The following ATP9A variants were observed in gnomAD, a reference collection of about 807,000 sequenced individuals.
ATP9A encodes probable phospholipid-transporting ATPase IIA.
In ATP9A, 52 loss-of-function variants were observed where a neutral mutation model predicts 144.1. That is an observed-to-expected ratio of 0.36 (90% CI 0.29 to 0.45). ATP9A has a LOEUF of 0.45. Ranked by LOEUF, ATP9A falls within the 20% of genes least tolerant of loss-of-function variation. The pLI is 1.00. For synonymous variants in ATP9A, 582 were observed against 557.4 expected (o/e 1.04, Z -0.62); for missense variants, 947 against 1,392.7 (o/e 0.68, Z 5.09).
At chr20:51,733,242 TCC>T (rs761031851) in intron 1 of ATP9A, among the ~76,000 whole-genome samples, 12 of 152,158 alleles carry the variant, frequency 7.9e-5, no homozygotes, top group Non-Finnish European at 1.5e-4. Flanking sequence ...TTCAGTCCCT[TCC>T]CGCTACTATA....
At chr20:51,760,772 CG>C (rs1390004498) in intron 1 of ATP9A, among the ~76,000 whole-genome samples, 1 of 148,144 alleles carries the variant, frequency 6.8e-6, no homozygotes, top group Non-Finnish European at 1.5e-5. Context: ...CGCCTGTAAT[CG>C]CAACACTTTG....
chr20:51,645,708 T>C (rs892094157), intron 14 of ATP9A, among the ~76,000 whole-genome samples: 1 of 152,170 alleles, frequency 6.6e-6, no homozygotes, highest in East Asian at 1.9e-4. Context: ...CCCAGAGTCC[T>C]ACTCAGGGAG....
intron 18 of ATP9A, among the ~76,000 whole-genome samples, chr20:51,624,610 T>C (rs1442246849): frequency 1.3e-5 from 2 of 152,128 alleles, no homozygotes; most frequent in Non-Finnish European, 2.9e-5. Context: ...TCAGCAGCCA[T>C]GCACGCTGGA....
chr20:51,651,163 T>TACACAC (rs1257050877), intron 14 of ATP9A, among the ~76,000 whole-genome samples: 11 of 136,358 alleles, frequency 8.1e-5, no homozygotes, highest in African/African-American at 3.3e-4. Flanking sequence ...CATATATATA[T>TACACAC]ATACACACAC....
intron 12 of ATP9A, 48 bp from the exon 13 acceptor site, chr20:51,670,157 GTTA>G (rs1276313642): frequency 1.3e-5 from 19 of 1,441,792 alleles, no homozygotes; most frequent in Non-Finnish European, 1.8e-5. Flanking sequence ...CAGGATGTTT[GTTA>G]TTATTAACAG....
At position 51,682,577 on chromosome 20, in the gene ATP9A, C is replaced by CTTTTT. The variant is rs60505207; in HGVS notation, c.800-6374_800-6370dup. Among the ~76,000 whole-genome samples, 22 of 35,082 alleles carry CTTTTT rather than the reference C, an allele frequency of 6.3e-4. 1 individual carries two copies. The highest frequency in any genetic ancestry group is 8.0e-4 in the Non-Finnish European group (15 of 18,830). 23.0% of individuals were successfully genotyped at this position (35,082 alleles called of 152,430 possible). A position where few individuals can be genotyped will look rare whatever the true frequency, so the allele number is the denominator to read the frequency against. On this transcript the variant is annotated intron_variant, in intron 9 of 27. Coordinates refer to ENST00000338821, the MANE Select transcript of ATP9A (RefSeq NM_006045.3). ...TAAAGTGTGTTGCTTTTCACTGTAT[C>CTTTTT]TTTTTTTTTTTTTTTTTTTTTTTTT...
chr20:51,764,344 A>T (rs2077894799), intron 1 of ATP9A, among the ~76,000 whole-genome samples: 1 of 152,246 alleles, frequency 6.6e-6, no homozygotes, highest in East Asian at 1.9e-4. Flanking sequence ...GCATGATGTC[A>T]TAAAATGGTT....
chr20:51,630,019 C>T (rs2077264163), intron 15 of ATP9A, among the ~76,000 whole-genome samples: 1 of 152,232 alleles, frequency 6.6e-6, no homozygotes, highest in Non-Finnish European at 1.5e-5. Flanking sequence ...TGTGGCCCTC[C>T]AGGAGACATG....
At chr20:51,721,259 G>T (rs748353195) in intron 3 of ATP9A, among the ~76,000 whole-genome samples, 3 of 152,132 alleles carry the variant, frequency 2.0e-5, no homozygotes, top group Non-Finnish European at 4.4e-5. Context: ...CAGCAAAAAG[G>T]TTTATTGTTT....
intron 9 of ATP9A, among the ~76,000 whole-genome samples, chr20:51,683,326 G>A (rs1414683858): frequency 6.6e-6 from 1 of 151,850 alleles, no homozygotes; most frequent in East Asian, 2.0e-4. Context: ...GTGCAGTGGT[G>A]CTATCTCAGC....
At chr20:51,722,087 G>C (rs1266477654) in intron 3 of ATP9A, among the ~76,000 whole-genome samples, 2 of 152,132 alleles carry the variant, frequency 1.3e-5, no homozygotes, top group East Asian at 3.9e-4. Context: ...CGTAAAGTGG[G>C]GGAAAGGACA....
At chr20:51,632,241 C>T (rs1161200049) in intron 15 of ATP9A, among the ~76,000 whole-genome samples, 1 of 152,052 alleles carries the variant, frequency 6.6e-6, no homozygotes, top group Non-Finnish European at 1.5e-5. Flanking sequence ...ACCACCATGC[C>T]CAGCTAATTT....
chr20:51,660,522 C>T (rs1224849093), intron 13 of ATP9A, among the ~76,000 whole-genome samples: 1 of 152,244 alleles, frequency 6.6e-6, no homozygotes, highest in Non-Finnish European at 1.5e-5. Flanking sequence ...TCACAGGCCA[C>T]AGGTTCAATG....
chr20:51,676,224 G>GAA lies in ATP9A; in HGVS notation c.800-18_800-17dup. On this transcript the variant is annotated splice_polypyrimidine_tract_variant and intron_variant, in intron 9 of 27. Transcript: ENST00000338821. ...ACAACAGTACCTAAAATGGAAAAAA[G>GAA]AAAAAAAAAAAAAGAAAAGAAATAT... The GAA allele has an allele frequency of 5.5e-4, 664 of 1,217,610 alleles. No individual in the cohort carries two copies. Among genetic ancestry groups the GAA allele is most frequent in the Middle Eastern group, 6.8e-4 (3 of 4,398 alleles). 75.4% of individuals were successfully genotyped at this position (1,217,610 alleles called of 1,614,324 possible). A position where few individuals can be genotyped will look rare whatever the true frequency, so the allele number is the denominator to read the frequency against.
intron 3 of ATP9A, among the ~76,000 whole-genome samples, chr20:51,714,427 G>C (rs1313642733): frequency 6.6e-6 from 1 of 151,900 alleles, no homozygotes; most frequent in Non-Finnish European, 1.5e-5. Context: ...TGTTACCCAG[G>C]ATGGAGTGCA....
Position 51,597,869 on chromosome 20 carries a change from T to C in ATP9A, c.*3342A>G, listed in dbSNP as rs908936092. 2 of 150,524 alleles carry C rather than the reference T, an allele frequency of 1.3e-5. No homozygotes were observed. Among genetic ancestry groups the C allele is most frequent in the Non-Finnish European group, 3.0e-5 (2 of 67,478 alleles). The allele number at this position is 150,524 out of a possible 1,614,324, so 9.3% of individuals were successfully genotyped here. ...GGAAATGTTCATAAAGAGACAATGA[T>C]TTTTAAGATTTACTGTCACAAAAAA... On this transcript the variant is annotated 3_prime_UTR_variant, in exon 28 of 28. Coordinates refer to ENST00000338821, the MANE Select transcript of ATP9A (RefSeq NM_006045.3).
chr20:51,718,628 G>T (rs946403259), intron 3 of ATP9A, among the ~76,000 whole-genome samples: 10 of 148,204 alleles, frequency 6.7e-5, no homozygotes, highest in African/African-American at 1.0e-4. Flanking sequence ...GACCAGCCTG[G>T]CCAACATGGT....
At position 51,633,397 on chromosome 20, in the gene ATP9A, A is replaced by C. The variant is rs146200969; in HGVS notation, c.1669-4325T>G. 1.3e-3 allele frequency among the ~76,000 whole-genome samples: 198 copies of C among 152,310 alleles called. 3 individuals are homozygous for C. The highest frequency in any genetic ancestry group is 4.6e-3 in the African/African-American group (193 of 41,576). On this transcript the variant is annotated intron_variant, in intron 15 of 27. Transcript: ENST00000338821. ...TATTTACACTCGGATATGCTTAGAAAAGAGACTGAAAGGAAATCCCTTGAA... is the reference window on the plus strand; with the variant it reads ...TATTTACACTCGGATATGCTTAGAACAGAGACTGAAAGGAAATCCCTTGAA...
chr20:51,663,638 C>G (rs1197765388), intron 13 of ATP9A, among the ~76,000 whole-genome samples: 1 of 151,644 alleles, frequency 6.6e-6, no homozygotes, highest in Non-Finnish European at 1.5e-5. Flanking sequence ...ACCAAAAATA[C>G]AAAAAATTAG....
Sources: gnomAD v4.1 joint callset for allele counts (sites outside exome capture counted in the v4.1 genomes callset) on GRCh38, gnomAD v4.1.1 for gene constraint, MANE v1.5 for transcripts, NCBI Gene and HGNC (gene_info 2026-07-23, HGNC 2026-07-21) for gene names.